NAALADL2: variants seen among roughly 807,000 people sequenced by gnomAD.
NAALADL2 encodes inactive N-acetylated-alpha-linked acidic dipeptidase-like protein 2.
NAALADL2 carries 76 observed loss-of-function variants against 87.2 expected under a neutral mutation model. That is an observed-to-expected ratio of 0.87 (90% CI 0.72 to 1.05). The LOEUF (loss-of-function observed/expected upper bound fraction) is 1.05. Among genes scored for constraint, NAALADL2 ranks in the 50% least tolerant of loss-of-function variants. The pLI, the probability that NAALADL2 is intolerant of heterozygous loss-of-function variation, is 0.00. For synonymous variants in NAALADL2, 354 were observed against 331.0 expected, an observed-to-expected ratio of 1.07 and a Z score of -0.75; for missense variants, 1,089 against 945.8, an observed-to-expected ratio of 1.15 and a Z score of -1.99.
chr3:175,517,205 C>T (rs1731966860), intron 9 of NAALADL2, among the ~76,000 whole-genome samples: 1 of 152,144 alleles, frequency 6.6e-6, no homozygotes, highest in African/African-American at 2.4e-5. Flanking sequence ...CTTATAATGG[C>T]TCATATCTGC....
intron 2 of NAALADL2, among the ~76,000 whole-genome samples, chr3:174,626,441 T>A (rs1721585263): frequency 6.6e-6 from 1 of 152,060 alleles, no homozygotes; most frequent in Admixed American, 6.5e-5. Context: ...TACCTATTTA[T>A]GCCTTTGCTT....
intron 1 of NAALADL2, among the ~76,000 whole-genome samples, chr3:175,086,727 C>T (rs899258574): frequency 1.3e-5 from 2 of 151,914 alleles, no homozygotes; most frequent in Non-Finnish European, 2.9e-5. Context: ...ATAAGAATTG[C>T]TCATTATAGT....
chr3:175,569,855 C>G (rs1582442317), intron 9 of NAALADL2, among the ~76,000 whole-genome samples: 3 of 139,966 alleles, frequency 2.1e-5, no homozygotes, highest in East Asian at 2.2e-4. Context: ...CACACACACA[C>G]AGACACTTTA....
chr3:175,458,098 C>G (rs954953673), intron 6 of NAALADL2, among the ~76,000 whole-genome samples: 2 of 151,906 alleles, frequency 1.3e-5, no homozygotes, highest in African/African-American at 4.8e-5. Context: ...TAGTTTTTGG[C>G]ACCATAAGAT....
intron 11 of NAALADL2, among the ~76,000 whole-genome samples, chr3:175,667,664 AC>A (rs1733381866): frequency 6.6e-6 from 1 of 151,712 alleles, no homozygotes; most frequent in Non-Finnish European, 1.5e-5. Flanking sequence ...GAAAATGTAC[AC>A]CTTGCTTTTC....
intron 9 of NAALADL2, among the ~76,000 whole-genome samples, chr3:175,485,520 G>A (rs183283888): frequency 6.6e-6 from 1 of 152,240 alleles, no homozygotes; most frequent in East Asian, 1.9e-4. Flanking sequence ...TTCAGTCTGT[G>A]GCTGCAGGTC....
At chr3:174,467,010 G>A (rs1716575380) in intron 1 of NAALADL2, among the ~76,000 whole-genome samples, 1 of 152,140 alleles carries the variant, frequency 6.6e-6, no homozygotes, top group South Asian at 2.1e-4. Context: ...GGACGCATTA[G>A]AAGTTGTTTT....
At chr3:175,696,571 C>T (rs933325640) in intron 11 of NAALADL2, among the ~76,000 whole-genome samples, 4 of 151,724 alleles carry the variant, frequency 2.6e-5, no homozygotes, top group Admixed American at 2.0e-4. Context: ...CAGATGCAAA[C>T]ACATAGGATG....
chr3:174,777,227 T>C (rs1715321959), intron 3 of NAALADL2, among the ~76,000 whole-genome samples: 1 of 152,208 alleles, frequency 6.6e-6, no homozygotes, highest in East Asian at 1.9e-4. Context: ...TTGAATGACA[T>C]GTGCATGTAT....
intron 1 of NAALADL2, among the ~76,000 whole-genome samples, chr3:174,537,702 T>G (rs1166926167): frequency 6.6e-6 from 1 of 152,112 alleles, no homozygotes; most frequent in Non-Finnish European, 1.5e-5. Context: ...GGCAGTAGAA[T>G]GTGGAAGAAT....
intron 9 of NAALADL2, among the ~76,000 whole-genome samples, chr3:175,500,800 G>A (rs6764835): frequency 1.2e-3 from 190 of 152,210 alleles, no homozygotes; most frequent in African/African-American, 4.2e-3. Flanking sequence ...GATCCCAAAT[G>A]TGAACTTAAG....
intron 1 of NAALADL2, among the ~76,000 whole-genome samples, chr3:175,013,374 T>C (rs1432791963): frequency 7.2e-6 from 1 of 139,760 alleles, no homozygotes; most frequent in African/African-American, 2.7e-5. Flanking sequence ...TCTCGGCTCA[T>C]TGAAACCTCC....
Position 175,471,708 on chromosome 3 carries a change from T to G in NAALADL2, c.1603T>G (p.Ser535Ala). 6.2e-7 allele frequency: 1 copy of G among 1,606,278 alleles called. No homozygotes were observed. The highest frequency in any genetic ancestry group is 1.1e-5 in the South Asian group (1 of 90,192). ...ISLHSPIRGN[S>A]SLYPVASPSL... is the part of the protein sequence containing the mutation. ...CCTCCACAGTCCCATAAGGGGGAAC[T>G]CTAGTCTGTATCCTGTAGCATCACC... Residue 535 changes from serine (S) to alanine (A), a missense_variant, in exon 9 of 14, where the codon TCT becomes GCT. Coordinates refer to ENST00000454872, the MANE Select transcript of NAALADL2 (RefSeq NM_207015.3).
intron 1 of NAALADL2, among the ~76,000 whole-genome samples, chr3:175,013,847 T>G (rs548694880): frequency 2.3e-4 from 35 of 152,210 alleles, no homozygotes; most frequent in African/African-American, 8.4e-4. Context: ...TTTTCATTCC[T>G]TAAGTTTTGA....
At chr3:175,170,633 A>C (rs915805627) in intron 2 of NAALADL2, among the ~76,000 whole-genome samples, 2 of 151,180 alleles carry the variant, frequency 1.3e-5, no homozygotes, top group Admixed American at 6.6e-5. Context: ...TTCCAAAACA[A>C]TACAAAGGAT....
intron 1 of NAALADL2, chr3:174,863,837 C>A: frequency 3.5e-6 from 1 of 281,980 alleles, no homozygotes; most frequent in South Asian, 3.1e-5. Flanking sequence ...ATAGCATTTT[C>A]AATTAACAGA....
At chr3:175,222,495 G>T (rs1743532365) in intron 2 of NAALADL2, among the ~76,000 whole-genome samples, 1 of 152,108 alleles carries the variant, frequency 6.6e-6, no homozygotes, top group Admixed American at 6.6e-5. Flanking sequence ...TTTCAGACTT[G>T]ATCCTGACAG....
chr3:175,078,033 T>C (rs1716963081), intron 1 of NAALADL2, among the ~76,000 whole-genome samples: 1 of 151,742 alleles, frequency 6.6e-6, no homozygotes, highest in African/African-American at 2.4e-5. Context: ...TCTTTCTTTT[T>C]TTTTTTTTCT....
chr3:175,223,642 A>G (rs550968185), intron 2 of NAALADL2, among the ~76,000 whole-genome samples: 37 of 152,324 alleles, frequency 2.4e-4, no homozygotes, highest in African/African-American at 8.7e-4. Flanking sequence ...CTTTGGATAT[A>G]TACCCACAAG....
Sources: allele counts gnomAD v4.1 joint callset (sites outside exome capture counted in the v4.1 genomes callset), GRCh38; gene constraint gnomAD v4.1.1; transcripts MANE v1.5; gene names NCBI Gene and HGNC (gene_info 2026-07-23, HGNC 2026-07-21).